The following PRKG1 variants were observed in gnomAD, a reference collection of about 807,000 sequenced individuals.
The protein encoded by PRKG1 is protein kinase cGMP-dependent 1.
A neutral mutation model predicts 88.1 loss-of-function variants in PRKG1; 35 were observed. The ratio of observed to expected loss-of-function variants is 0.40; its 90% CI spans 0.30 to 0.53. The LOEUF (loss-of-function observed/expected upper bound fraction) is 0.53. Among genes scored for constraint, PRKG1 ranks in the 20% least tolerant of loss-of-function variants. PRKG1 has a pLI of 0.59. For missense variants in PRKG1, 540 were observed against 839.8 expected, an observed-to-expected ratio of 0.64 and a Z score of 4.41; for synonymous variants, 303 against 292.5, an observed-to-expected ratio of 1.04 and a Z score of -0.37.
At chr10:51,049,708 G>A (rs909055043) in intron 1 of PRKG1, among the ~76,000 whole-genome samples, 1 of 152,106 alleles carries the variant, frequency 6.6e-6, no homozygotes, top group African/African-American at 2.4e-5. Context: ...TTTGTGTTAT[G>A]TATTTTACCA....
chr10:51,395,822 C>T (rs1002336398), intron 2 of PRKG1, among the ~76,000 whole-genome samples: 3 of 152,070 alleles, frequency 2.0e-5, no homozygotes, highest in Non-Finnish European at 2.9e-5. Context: ...TTGACAATAT[C>T]GTGGTTGAAT....
intron 3 of PRKG1, among the ~76,000 whole-genome samples, chr10:51,606,176 A>G (rs1424396416): frequency 6.6e-6 from 1 of 152,156 alleles, no homozygotes; most frequent in Non-Finnish European, 1.5e-5. Flanking sequence ...TTTATTCAGT[A>G]TTTCTCACAT....
At chr10:51,582,842 T>G (rs1045931369) in intron 3 of PRKG1, among the ~76,000 whole-genome samples, 3 of 152,152 alleles carry the variant, frequency 2.0e-5, no homozygotes, top group African/African-American at 7.2e-5. Flanking sequence ...TTTACCATAT[T>G]GAGTTCATAA....
At chr10:51,010,351 A>G (rs185997896) in intron 1 of PRKG1, among the ~76,000 whole-genome samples, 176 of 152,376 alleles carry the variant, frequency 1.2e-3, no homozygotes, top group African/African-American at 4.0e-3. Flanking sequence ...CAGAATCAAG[A>G]TCCCAAAAGA....
chr10:52,040,171 G>T (rs977861858), intron 5 of PRKG1, among the ~76,000 whole-genome samples: 6 of 152,174 alleles, frequency 3.9e-5, no homozygotes, highest in African/African-American at 1.2e-4. Context: ...AAAATATTGA[G>T]TAAATTCTAC....
chr10:51,536,508 TC>T (rs1842154422), intron 3 of PRKG1, among the ~76,000 whole-genome samples: 1 of 152,176 alleles, frequency 6.6e-6, no homozygotes. Context: ...GTTGATAGTT[TC>T]TTTTGCTGTG....
intron 9 of PRKG1, among the ~76,000 whole-genome samples, chr10:52,215,735 G>A (rs1426361482): frequency 1.3e-5 from 2 of 152,078 alleles, no homozygotes; most frequent in Non-Finnish European, 2.9e-5. Context: ...TTTTATAATA[G>A]TAATGTTAGA....
chr10:52,186,189 C>G (rs1030018292), intron 9 of PRKG1, among the ~76,000 whole-genome samples: 2 of 152,094 alleles, frequency 1.3e-5, no homozygotes, highest in Admixed American at 1.3e-4. Context: ...AGTGCTGGCA[C>G]CTGCTTCTGG....
At chr10:51,688,373 AAGG>A (rs1275285817) in intron 3 of PRKG1, among the ~76,000 whole-genome samples, 11 of 152,134 alleles carry the variant, frequency 7.2e-5, no homozygotes, top group African/African-American at 1.9e-4. Flanking sequence ...AAGGAAGGGG[AAGG>A]AGGAGGACTG....
At chr10:51,667,991 A>T (rs183120477) in intron 3 of PRKG1, among the ~76,000 whole-genome samples, 1 of 152,152 alleles carries the variant, frequency 6.6e-6, no homozygotes, top group African/African-American at 2.4e-5. Context: ...GCCTAAAGCC[A>T]TTGAATGCCT....
At chr10:51,175,133 A>T (rs574692450) in intron 2 of PRKG1, among the ~76,000 whole-genome samples, 9 of 152,024 alleles carry the variant, frequency 5.9e-5, no homozygotes, top group Non-Finnish European at 1.3e-4. Context: ...TTAAAAAAAC[A>T]CACATACTAA....
chr10:51,077,037 G>T (rs1316686897), intron 1 of PRKG1, among the ~76,000 whole-genome samples: 1 of 152,002 alleles, frequency 6.6e-6, no homozygotes, highest in Non-Finnish European at 1.5e-5. Flanking sequence ...CTTACATAAA[G>T]AAAACTAGAA....
intron 4 of PRKG1, among the ~76,000 whole-genome samples, chr10:51,845,978 T>G (rs1360248480): frequency 6.6e-6 from 1 of 152,168 alleles, no homozygotes; most frequent in Admixed American, 6.6e-5. Context: ...GATTTACTAT[T>G]GTTTTTCACC....
intron 4 of PRKG1, among the ~76,000 whole-genome samples, chr10:51,848,025 T>C (rs559060725): frequency 6.9e-6 from 1 of 144,906 alleles, no homozygotes; most frequent in African/African-American, 2.6e-5. Flanking sequence ...TAAATTTCCT[T>C]AGGCTTTCAG....
At chr10:51,033,583 G>T (rs1185307891) in intron 1 of PRKG1, among the ~76,000 whole-genome samples, 1 of 152,092 alleles carries the variant, frequency 6.6e-6, no homozygotes, top group Admixed American at 6.6e-5. Context: ...CTATACACAT[G>T]GGATGTATCC....
intron 9 of PRKG1, among the ~76,000 whole-genome samples, chr10:52,176,620 AT>A (rs1183667790): frequency 2.0e-5 from 3 of 152,166 alleles, no homozygotes; most frequent in Non-Finnish European, 4.4e-5. Context: ...TAGTATGAAC[AT>A]TTTAACAGTA....
At chr10:51,177,297 A>C (rs1837220072) in intron 2 of PRKG1, among the ~76,000 whole-genome samples, 2 of 152,226 alleles carry the variant, frequency 1.3e-5, no homozygotes, top group Admixed American at 1.3e-4. Flanking sequence ...ACTGAGCAAA[A>C]TGGATGAATT....
intron 2 of PRKG1, among the ~76,000 whole-genome samples, chr10:51,371,092 C>T (rs539755919): frequency 3.9e-5 from 6 of 152,168 alleles, no homozygotes; most frequent in East Asian, 1.9e-4. Context: ...TTCCACCATC[C>T]GTGTCCCAAA....
chr10:52,223,345 A>G (rs1007763973), intron 9 of PRKG1, among the ~76,000 whole-genome samples: 1 of 152,118 alleles, frequency 6.6e-6, no homozygotes, highest in Non-Finnish European at 1.5e-5. Context: ...AACTATCTGT[A>G]ATTATTGACA....
Sources: allele counts gnomAD v4.1 joint callset (sites outside exome capture counted in the v4.1 genomes callset), GRCh38; gene constraint gnomAD v4.1.1; transcripts MANE v1.5; gene names NCBI Gene and HGNC (gene_info 2026-07-23, HGNC 2026-07-21).